The following EIF4G3 variants were observed in gnomAD, a reference collection of about 807,000 sequenced individuals.
EIF4G3 encodes the protein eukaryotic translation initiation factor 4 gamma 3, also known as eIF-4-gamma 3.
In EIF4G3, 34 loss-of-function variants were observed where a neutral mutation model predicts 186.4. That is an observed-to-expected ratio of 0.18 (90% CI 0.14 to 0.24). The LOEUF is 0.24. EIF4G3 is among the 10% of genes least tolerant of loss of function. The pLI is 1.00. For synonymous variants in EIF4G3, 673 were observed against 679.5 expected, an observed-to-expected ratio of 0.99 and a Z score of 0.15; for missense variants, 1,536 against 1,948.5, an observed-to-expected ratio of 0.79 and a Z score of 3.99.
At position 20,897,412 on chromosome 1, in the gene EIF4G3, GAA is replaced by G. The variant is rs58304660; in HGVS notation, c.2000-1913_2000-1912del. ...GTTCACTAGGAAATGTTATTTTAGA[GAA>G]AAAAAAAAAAGCAAAAGGACACAAA... On this transcript the variant is annotated intron_variant, in intron 16 of 36. Transcript: ENST00000602326. Among the ~76,000 whole-genome samples the G allele has an allele frequency of 7.5e-5, 10 of 132,576 alleles. 1 individual carries two copies. Among genetic ancestry groups the G allele is most frequent in the South Asian group, 7.0e-4 (3 of 4,288 alleles). The allele number at this position is 132,576 out of a possible 152,430, so 87.0% of individuals were successfully genotyped here. A position where few individuals can be genotyped will look rare whatever the true frequency, so the allele number is the denominator to read the frequency against.
intron 26 of EIF4G3, among the ~76,000 whole-genome samples, 153 bp from the exon 27 acceptor site, chr1:20,853,830 A>C (rs1188984093): frequency 6.6e-6 from 1 of 152,194 alleles, no homozygotes; most frequent in East Asian, 1.9e-4. Context: ...TATTCTGAGA[A>C]GCAAAGTGTT....
chr1:20,897,749 A>T (rs1222162632), intron 16 of EIF4G3, among the ~76,000 whole-genome samples: 1 of 151,958 alleles, frequency 6.6e-6, no homozygotes, highest in Non-Finnish European at 1.5e-5. Context: ...TAAATTTCAA[A>T]CTGTTTTTTT....
At chr1:21,078,506 A>G (rs2095659005) in intron 3 of EIF4G3, among the ~76,000 whole-genome samples, 1 of 152,212 alleles carries the variant, frequency 6.6e-6, no homozygotes, top group African/African-American at 2.4e-5. Flanking sequence ...ACAAACATAC[A>G]GTTAAATAAA....
intron 2 of EIF4G3, among the ~76,000 whole-genome samples, chr1:21,098,183 T>C (rs2096422629): frequency 6.6e-6 from 1 of 152,162 alleles, no homozygotes. Flanking sequence ...AGAGACAGGA[T>C]ACAGACTGTG....
In EIF4G3 at chr1:20,899,853, A is replaced by AG; in HGVS notation, c.1842dup (p.Ser615LeufsTer2). ...ACAGCTTTCACTTTTTTTAGGTCAGAGGGGTCTCTTTCAGGATGAAACCCC... is the reference window on the plus strand; with the variant it reads ...ACAGCTTTCACTTTTTTTAGGTCAGAGGGGGTCTCTTTCAGGATGAAACCCC... On this transcript the variant is annotated frameshift_variant, in exon 16 of 37. Transcript: ENST00000602326. LOFTEE classifies it high-confidence loss of function. The AG allele has an allele frequency of 6.2e-7, 1 of 1,614,036 alleles. No individual in the cohort carries two copies. Among genetic ancestry groups the AG allele is most frequent in the Non-Finnish European group, 8.5e-7 (1 of 1,179,980 alleles).
intron 2 of EIF4G3, among the ~76,000 whole-genome samples, chr1:21,145,774 CA>C (rs1218736439): frequency 6.6e-6 from 1 of 152,010 alleles, no homozygotes; most frequent in African/African-American, 2.4e-5. Context: ...ACAAAATTCT[CA>C]AAGGCTAAAA....
intron 3 of EIF4G3, among the ~76,000 whole-genome samples, chr1:21,078,908 C>T (rs1325642941): frequency 6.6e-6 from 1 of 152,128 alleles, no homozygotes; most frequent in African/African-American, 2.4e-5. Context: ...TCGCTTGAAC[C>T]CAGGAGGCGG....
At chr1:20,878,187 T>G (rs1368663428) in intron 20 of EIF4G3, among the ~76,000 whole-genome samples, 1 of 152,206 alleles carries the variant, frequency 6.6e-6, no homozygotes, top group Non-Finnish European at 1.5e-5. Context: ...TTTTAAACTT[T>G]AAATTTTAAA....
intron 18 of EIF4G3, among the ~76,000 whole-genome samples, chr1:20,887,219 A>ATTTTTTTTTT (rs11304302): frequency 6.7e-6 from 1 of 148,342 alleles, no homozygotes; most frequent in Non-Finnish European, 1.5e-5. Flanking sequence ...CTGCCACCAG[A>ATTTTTTTTTT]TTTTTTTTTT....
At chr1:21,112,109 TAA>T (rs1368888115) in intron 2 of EIF4G3, among the ~76,000 whole-genome samples, 1 of 152,178 alleles carries the variant, frequency 6.6e-6, no homozygotes, top group Non-Finnish European at 1.5e-5. Context: ...ACTTTTTAAT[TAA>T]GTCTATTTTT....
chr1:20,830,261 C>CT (rs1390523183), intron 30 of EIF4G3, among the ~76,000 whole-genome samples: 1 of 152,134 alleles, frequency 6.6e-6, no homozygotes, highest in Non-Finnish European at 1.5e-5. Flanking sequence ...CTCACTAAAA[C>CT]TTTTCACTTA....
intron 2 of EIF4G3, among the ~76,000 whole-genome samples, chr1:21,136,764 C>T (rs984260162): frequency 6.6e-5 from 10 of 152,102 alleles, no homozygotes; most frequent in African/African-American, 2.4e-4. Flanking sequence ...CAAATCTGCT[C>T]ATTCTGATTC....
At chr1:20,936,796 G>GT (rs1243908425) in intron 14 of EIF4G3, among the ~76,000 whole-genome samples, 14 of 152,276 alleles carry the variant, frequency 9.2e-5, no homozygotes, top group African/African-American at 2.6e-4. Context: ...TTACACTTCA[G>GT]TAAGTCTAAA....
intron 2 of EIF4G3, among the ~76,000 whole-genome samples, chr1:21,129,724 C>A (rs2097118617): frequency 6.6e-6 from 1 of 152,046 alleles, no homozygotes; most frequent in South Asian, 2.1e-4. Flanking sequence ...TAACAACCCC[C>A]CACCCCAATT....
intron 16 of EIF4G3, among the ~76,000 whole-genome samples, chr1:20,898,971 C>A (rs1316042511): frequency 6.6e-6 from 1 of 152,158 alleles, no homozygotes; most frequent in Non-Finnish European, 1.5e-5. Context: ...CTCAGGTGAT[C>A]CGCCCGCCTC....
chr1:20,909,688 A>T (rs2092871829), intron 14 of EIF4G3, among the ~76,000 whole-genome samples: 1 of 151,960 alleles, frequency 6.6e-6, no homozygotes, highest in Admixed American at 6.6e-5. Flanking sequence ...CAAAACTTCA[A>T]ACAAGAATTT....
At chr1:21,161,617 C>T (rs2097767397) in intron 2 of EIF4G3, 1 of 152,310 alleles carries the variant, frequency 6.6e-6, no homozygotes, top group Non-Finnish European at 1.5e-5. Context: ...GCAGTAGCTG[C>T]TGGGTCAGGC....
chr1:21,121,805 T>C (rs986551186), intron 2 of EIF4G3, among the ~76,000 whole-genome samples: 1 of 151,662 alleles, frequency 6.6e-6, no homozygotes, highest in Non-Finnish European at 1.5e-5. Context: ...TCCATCAATC[T>C]ACAAAAATGG....
intron 14 of EIF4G3, among the ~76,000 whole-genome samples, chr1:20,925,855 A>G (rs2094847488): frequency 6.6e-6 from 1 of 152,210 alleles, no homozygotes; most frequent in Non-Finnish European, 1.5e-5. Flanking sequence ...TAAACACTGC[A>G]TTAAGTATTA....
Sources: allele counts gnomAD v4.1 joint callset (sites outside exome capture counted in the v4.1 genomes callset), GRCh38; gene constraint gnomAD v4.1.1; transcripts MANE v1.5; gene names NCBI Gene and HGNC (gene_info 2026-07-23, HGNC 2026-07-21).